BATF2: variants seen among roughly 807,000 people sequenced by gnomAD.
BATF2 encodes the protein basic leucine zipper ATF-like transcription factor 2.
Under a neutral mutation model 7.3 loss-of-function variants are expected in BATF2, and 4 were observed. The ratio of observed to expected loss-of-function variants is 0.55; its 90% CI spans 0.27 to 1.26. BATF2 has a LOEUF of 1.26. BATF2 is among the 50% of genes most tolerant of loss of function. The probability of loss-of-function intolerance (pLI) is 0.11; values close to 1 mark genes in which losing one functional copy is unlikely to be tolerated. For synonymous variants in BATF2, 152 were observed against 153.9 expected (o/e 0.99, Z 0.09); for missense variants, 295 against 340.5 (o/e 0.87, Z 1.05).
rs1946098533 is a variant in BATF2, at chr11:64,994,652, TC to T, written c.40-104del. 2.7e-6 allele frequency: 3 copies of T among 1,111,664 alleles called. No homozygotes were observed. In the South Asian group the frequency reaches 4.1e-5, roughly 15 times the overall value. 68.9% of individuals were successfully genotyped at this position (1,111,664 alleles called of 1,614,324 possible). On this transcript the variant is annotated intron_variant, in intron 1 of 2. Transcript: ENST00000301887. ...CCAAGTCTTTCCCCTTGAGTCAAGT[TC>T]CCAAGGGTCTTTTATCTCCCAGAAG...
chr11:64,990,286 T>A, intron 2 of BATF2: 1 of 1,507,218 alleles, frequency 6.6e-7, no homozygotes, highest in East Asian at 2.5e-5. Context: ...CTCCCCTCCC[T>A]TCCTGACCCT....
rs375400662 is a variant in BATF2, at chr11:64,994,412, C to T, written c.141+36G>A. 61 of 1,545,106 alleles carry T rather than the reference C, an allele frequency of 3.9e-5. No homozygotes were observed. The African/African-American group carries it at 8.1e-4, about 20-fold the overall frequency. ...GAGGTGGCTGGGCCAGTAAGTGGAG[C>T]CAGAGACAAGGAAAGGGGTTAGGGG... On this transcript the variant is annotated intron_variant, in intron 2 of 2. Transcript: ENST00000301887.
At chr11:64,996,279 CAG>C (rs200132753) in intron 1 of BATF2, among the ~76,000 whole-genome samples, 3,923 of 151,052 alleles carry the variant, frequency 0.026, 157 homozygotes, top group African/African-American at 0.09. Context: ...TTTATTGAGA[CAG>C]AGTCTCTCTC....
intron 2 of BATF2, among the ~76,000 whole-genome samples, chr11:64,994,040 C>T (rs1338793114): frequency 6.6e-6 from 1 of 152,112 alleles, no homozygotes; most frequent in Non-Finnish European, 1.5e-5. Context: ...TCAAACAATC[C>T]TCCAGCCTCA....
At chr11:64,994,691 C>G in intron 1 of BATF2, 142 bp from the exon 2 acceptor site, 1 of 734,374 alleles carries the variant, frequency 1.4e-6, no homozygotes, top group Non-Finnish European at 2.3e-6. Flanking sequence ...CCCTTGGCAC[C>G]CACACCCCCT....
At position 64,989,806 on chromosome 11, in the gene BATF2, C is replaced by T. The variant is rs1057465264; in HGVS notation, c.148G>A (p.Glu50Lys). Residue 50 changes from glutamate (E) to lysine (K), a missense_variant, in exon 3 of 3, where the codon GAG becomes AAG. Transcript: ENST00000301887. This position sits in a 1 kb window ranked among gnomAD's most constrained non-coding sequence, Gnocchi z 4.3. Reference protein sequence around the residue: ...DKADALHQQHESLEKDNLALR... With the variant: ...DKADALHQQHKSLEKDNLALR... ...GCGAGGTTGTCTTTTTCCAGAGACT[C>T]GTGCTGCTGCAGAGAAGCAGATGGG... 15 of 1,613,430 alleles carry T rather than the reference C, an allele frequency of 9.3e-6. No individual in the cohort carries two copies. Among genetic ancestry groups the T allele is most frequent in the African/African-American group, 1.3e-5 (1 of 74,922 alleles).
intron 2 of BATF2, among the ~76,000 whole-genome samples, chr11:64,993,471 A>G (rs1946090871): frequency 6.6e-6 from 1 of 152,218 alleles, no homozygotes; most frequent in African/African-American, 2.4e-5. Context: ...GCAGCCACTT[A>G]CAAGTCAGGA....
At chr11:64,990,087 G>A (rs773110885) in intron 2 of BATF2, 541 of 1,535,760 alleles carry the variant, frequency 3.5e-4, no homozygotes, top group Non-Finnish European at 4.5e-4. Flanking sequence ...GGATATGCAC[G>A]GGCCTCCAAC....
At chr11:64,995,401 A>G (rs1472530042) in intron 1 of BATF2, among the ~76,000 whole-genome samples, 1 of 152,222 alleles carries the variant, frequency 6.6e-6, no homozygotes, top group African/African-American at 2.4e-5. Flanking sequence ...TCACTTACTC[A>G]ACAAACATGT....
intron 2 of BATF2, among the ~76,000 whole-genome samples, chr11:64,993,117 T>C (rs1385883142): frequency 6.6e-6 from 1 of 152,162 alleles, no homozygotes; most frequent in Admixed American, 6.6e-5. Context: ...CCCAGCACTT[T>C]GGGAGGCTGA....
rs1302616828 is a variant in BATF2 at position 64,989,647 on chromosome 11, C to T, written c.307G>A (p.Ala103Thr). ...GGGCCAGGGCCCAGGAGCCCCTCAGCCTGGTCCCAGCAGCCCAGGAGCCCT... is the reference window on the plus strand; with the variant it reads ...GGGCCAGGGCCCAGGAGCCCCTCAGTCTGGTCCCAGCAGCCCAGGAGCCCT... ...APGLLGCWDQ[A>T]EGLLGPGPQG... The change falls in exon 3 of 3, where the codon GCT (alanine) becomes ACT (threonine). Residue 103 changes from alanine to threonine, a missense_variant. Transcript: ENST00000301887. The surrounding 1 kb of genome is among the most constrained non-coding windows in gnomAD (Gnocchi z 4.3). The T allele has an allele frequency of 4.3e-6, 7 of 1,613,050 alleles. No individual in the cohort carries two copies. Among genetic ancestry groups the T allele is most frequent in the Non-Finnish European group, 5.9e-6 (7 of 1,179,686 alleles).
Position 64,989,119 on chromosome 11 carries a change from G to A in BATF2, c.*10C>T, listed in dbSNP as rs750818436. On this transcript the variant is annotated 3_prime_UTR_variant, in exon 3 of 3. Transcript: ENST00000301887. The surrounding 1 kb of genome is among the most constrained non-coding windows in gnomAD (Gnocchi z 4.3). ...CCAAAGAAGGGGCCAACCCAGCTCC[G>A]AAGACCAGGTTAGAAGTGGACTTGA... The A allele has an allele frequency of 1.9e-5, 30 of 1,613,918 alleles. No homozygotes were observed. In the East Asian group the frequency reaches 3.3e-4, roughly 18 times the overall value.
chr11:64,996,899 C>T lies in BATF2; in HGVS notation c.16G>A (p.Gly6Ser), dbSNP rs12419103. 0.022 allele frequency: 35,191 copies of T among 1,607,316 alleles called. 520 individuals are homozygous for T. The highest frequency in any genetic ancestry group is 0.033 in the Middle Eastern group (198 of 6,020). ...ACTGTCTGGGTCAGCAGCCCATTGC[C>T]CCCACAGAGGTGCATGGCTTAGGCG... Reference protein sequence around the residue: MHLCGGNGLLTQTDPK... With the variant: MHLCGSNGLLTQTDPK... The change falls in exon 1 of 3, where the codon GGC (glycine) becomes AGC (serine). Residue 6 changes from glycine (G) to serine (S), a missense_variant. Transcript: ENST00000301887.
At chr11:64,996,792 C>T (rs1484501480) in intron 1 of BATF2, 84 bp downstream of exon 1, 19 of 1,549,496 alleles carry the variant, frequency 1.2e-5, no homozygotes, top group East Asian at 4.6e-5. Context: ...TAGGAGCTCC[C>T]GACTGCAGCC....
Position 64,989,145 on chromosome 11 carries a change from G to A in BATF2, c.809C>T (p.Ala270Val), listed in dbSNP as rs778884054. The A allele has an allele frequency of 8.7e-6, 14 of 1,614,076 alleles. No individual in the cohort carries two copies. The highest frequency in any genetic ancestry group is 1.3e-5 in the African/African-American group (1 of 74,930). ...PLLAFPLLSS[A>V]QVHF ...AAGACCAGGTTAGAAGTGGACTTGAGCAGAGGAGAGCAGAGGAAAGGCCAG... is the reference window on the plus strand; with the variant it reads ...AAGACCAGGTTAGAAGTGGACTTGAACAGAGGAGAGCAGAGGAAAGGCCAG... The change falls in exon 3 of 3, where the codon GCT becomes GTT. Residue 270 changes from alanine (A) to valine (V), a missense_variant. Transcript: ENST00000301887. This position sits in a 1 kb window ranked among gnomAD's most constrained non-coding sequence, Gnocchi z 4.3.
At chr11:64,993,061 T>G (rs2136879208) in intron 2 of BATF2, among the ~76,000 whole-genome samples, 1 of 147,436 alleles carries the variant, frequency 6.8e-6, no homozygotes, top group Admixed American at 6.7e-5. Context: ...GAATAAAAAA[T>G]TAAAACAAAA....
intron 2 of BATF2, among the ~76,000 whole-genome samples, chr11:64,992,778 C>T (rs1002077475): frequency 6.6e-6 from 1 of 151,590 alleles, no homozygotes; most frequent in African/African-American, 2.4e-5. Context: ...GAGAGGATCG[C>T]TTGAGCCTGG....
At position 64,989,472 on chromosome 11, in the gene BATF2, G is replaced by T; in HGVS notation, c.482C>A (p.Ala161Asp). Residue 161 changes from alanine (A) to aspartate (D), a missense_variant, in exon 3 of 3, where the codon GCT (alanine) becomes GAT (aspartate). Transcript: ENST00000301887. The surrounding 1 kb of genome is among the most constrained non-coding windows in gnomAD (Gnocchi z 4.3). ...CPLPSLSLGPAVVAEPPVQLS... is the reference protein window; with the variant it reads ...CPLPSLSLGPDVVAEPPVQLS... Reference sequence around the variant, plus strand: ...CTGGACAGGAGGTTCAGCAACCACAGCGGGGCCAAGGGACAGTGAGGGCAG... The same window carrying T: ...CTGGACAGGAGGTTCAGCAACCACATCGGGGCCAAGGGACAGTGAGGGCAG... The T allele has an allele frequency of 6.2e-7, 1 of 1,611,592 alleles. No individual in the cohort carries two copies.
chr11:64,995,519 G>T lies in BATF2; in HGVS notation c.40-970C>A, dbSNP rs117041418. ...GCTCACATTGTAGTGGGGTGGTAGC[G>T]AAGGATGAATGAATGAAGGGTTTAT... is the stretch of plus-strand genomic sequence containing the variant. On this transcript the variant is annotated intron_variant, in intron 1 of 2. Coordinates refer to ENST00000301887, the MANE Select transcript of BATF2 (RefSeq NM_138456.4). Among the ~76,000 whole-genome samples, 8 of 152,344 alleles carry T rather than the reference G, an allele frequency of 5.3e-5. No homozygotes were observed. The East Asian group carries it at 1.3e-3, about 26-fold the overall frequency.
Sources: gnomAD v4.1 joint callset for allele counts (sites outside exome capture counted in the v4.1 genomes callset) on GRCh38, gnomAD v4.1.1 for gene constraint, Gnocchi (gnomAD v3.1) non-coding constraint, MANE v1.5 for transcripts, NCBI Gene and HGNC (gene_info 2026-07-23, HGNC 2026-07-21) for gene names.